The following MAPK10 variants were observed in gnomAD, a reference collection of about 807,000 sequenced individuals.
The protein encoded by MAPK10 is JNK3 alpha protein kinase.
Under a neutral mutation model 59.3 loss-of-function variants are expected in MAPK10, and 25 were observed. The observed-to-expected ratio is 0.42, with a 90% CI of 0.31 to 0.59. MAPK10 has a LOEUF of 0.59. MAPK10 is among the 20% of genes least tolerant of loss of function. MAPK10 has a pLI of 0.15. For missense variants in MAPK10, 351 were observed against 568.9 expected (o/e 0.62, Z 3.90); for synonymous variants, 190 against 200.5 (o/e 0.95, Z 0.44).
At chr4:86,373,517 A>G (rs1479820878) in intron 1 of MAPK10, among the ~76,000 whole-genome samples, 1 of 152,198 alleles carries the variant, frequency 6.6e-6, no homozygotes, top group Non-Finnish European at 1.5e-5. Context: ...CCATCTGACA[A>G]AGGACTAATA....
intron 4 of MAPK10, among the ~76,000 whole-genome samples, chr4:86,146,152 C>T (rs890426493): frequency 6.6e-6 from 1 of 152,144 alleles, no homozygotes; most frequent in African/African-American, 2.4e-5. Context: ...TTCCAGTGAG[C>T]TGAGAGTGAA....
Position 86,051,200 on chromosome 4 carries a change from A to G in MAPK10, c.1110+13066T>C, listed in dbSNP as rs74948288. ...CTTTTATCATTCTTACAATTGCCCT[A>G]CCATTAGAAAGGGACATAATAATTT... On this transcript the variant is annotated intron_variant, in intron 11 of 13. Transcript: ENST00000641462. Among the ~76,000 whole-genome samples, 1,104 of 152,280 alleles carry G rather than the reference A, an allele frequency of 7.2e-3. 34 individuals are homozygous for G. In the East Asian group the frequency reaches 0.1, roughly 14 times the overall value.
chr4:86,193,858 T>A (rs1156655539), intron 3 of MAPK10: 1 of 157,408 alleles, frequency 6.4e-6, no homozygotes, highest in Non-Finnish European at 1.4e-5. Flanking sequence ...GCCCATTTTG[T>A]GCTTGAAACC....
At chr4:86,438,466 G>T (rs1007642287) in intron 1 of MAPK10, among the ~76,000 whole-genome samples, 5 of 152,008 alleles carry the variant, frequency 3.3e-5, no homozygotes, top group Admixed American at 2.0e-4. Context: ...GAGGGGGGTG[G>T]ATCATCTGAG....
intron 1 of MAPK10, among the ~76,000 whole-genome samples, chr4:86,477,119 ACT>A (rs1374304344): frequency 6.6e-6 from 1 of 151,940 alleles, no homozygotes; most frequent in African/African-American, 2.4e-5. Flanking sequence ...GCTCTAGATA[ACT>A]CTCACAGTGG....
intron 2 of MAPK10, among the ~76,000 whole-genome samples, chr4:86,282,661 T>C (rs2094853102): frequency 6.6e-6 from 1 of 152,172 alleles, no homozygotes; most frequent in South Asian, 2.1e-4. Context: ...CTTAGGACAC[T>C]TGAAGTTTTA....
At chr4:86,529,456 A>G (rs1343692643) in intron 1 of MAPK10, among the ~76,000 whole-genome samples, 1 of 152,194 alleles carries the variant, frequency 6.6e-6, no homozygotes, top group Non-Finnish European at 1.5e-5. Flanking sequence ...TCTCCACTGC[A>G]TTCTATTTTC....
intron 1 of MAPK10, among the ~76,000 whole-genome samples, chr4:86,555,230 G>A (rs1475790672): frequency 1.3e-5 from 2 of 152,024 alleles, no homozygotes; most frequent in East Asian, 1.9e-4. Context: ...GGTGGATCAC[G>A]AGGTCAGGAG....
intron 2 of MAPK10, among the ~76,000 whole-genome samples, chr4:86,245,382 G>A (rs2093017184): frequency 6.7e-6 from 1 of 149,924 alleles, no homozygotes; most frequent in South Asian, 2.1e-4. Context: ...TGTGATCACA[G>A]CTCACTGCAG....
chr4:86,467,718 C>T (rs754206095), intron 1 of MAPK10, among the ~76,000 whole-genome samples: 2 of 152,170 alleles, frequency 1.3e-5, no homozygotes, highest in Admixed American at 1.3e-4. Context: ...CAGGGTTTCA[C>T]CACGTTGGCC....
intron 1 of MAPK10, among the ~76,000 whole-genome samples, chr4:86,388,164 A>G (rs1156309624): frequency 6.6e-6 from 1 of 151,782 alleles, no homozygotes; most frequent in African/African-American, 2.4e-5. Flanking sequence ...AATTTACTTC[A>G]AAAGGTTTAG....
At chr4:86,484,918 G>A (rs951693479) in intron 1 of MAPK10, among the ~76,000 whole-genome samples, 27 of 152,156 alleles carry the variant, frequency 1.8e-4, no homozygotes, top group African/African-American at 5.8e-4. Context: ...CAGAAAGCAG[G>A]GGGAGTGTAT....
chr4:86,567,102 T>C (rs1761109105), intron 1 of MAPK10, among the ~76,000 whole-genome samples: 2 of 152,130 alleles, frequency 1.3e-5, no homozygotes, highest in Admixed American at 1.3e-4. Flanking sequence ...CATATTCAGT[T>C]TGGTGTACAT....
At chr4:86,068,911 C>T (rs1182580021) in intron 9 of MAPK10, among the ~76,000 whole-genome samples, 4 of 152,130 alleles carry the variant, frequency 2.6e-5, no homozygotes, top group Non-Finnish European at 5.9e-5. Context: ...ATTTCCTCGC[C>T]ATGTGCCAGT....
chr4:86,105,892 C>A (rs946524580), intron 5 of MAPK10, among the ~76,000 whole-genome samples: 3 of 152,104 alleles, frequency 2.0e-5, no homozygotes, highest in African/African-American at 7.2e-5. Context: ...TCCCACCATA[C>A]ACTGACCAGC....
intron 2 of MAPK10, among the ~76,000 whole-genome samples, chr4:86,307,597 C>A (rs1037683203): frequency 6.6e-6 from 1 of 151,956 alleles, no homozygotes; most frequent in South Asian, 2.1e-4. Flanking sequence ...AAATGAGAAC[C>A]AAGGTTATCC....
intron 1 of MAPK10, among the ~76,000 whole-genome samples, chr4:86,579,740 ATT>A (rs1349338140): frequency 1.3e-5 from 2 of 152,134 alleles, no homozygotes; most frequent in Non-Finnish European, 2.9e-5. Flanking sequence ...TTACTGGACA[ATT>A]TTTAAGTTTT....
intron 9 of MAPK10, among the ~76,000 whole-genome samples, chr4:86,070,316 G>A (rs566646325): frequency 1.3e-5 from 2 of 150,658 alleles, no homozygotes; most frequent in East Asian, 1.9e-4. Context: ...GAACAACTAT[G>A]TCCAATTTAG....
intron 4 of MAPK10, among the ~76,000 whole-genome samples, chr4:86,144,187 C>T (rs778691178): frequency 9.2e-5 from 14 of 151,976 alleles, no homozygotes; most frequent in Non-Finnish European, 1.8e-4. Context: ...TTAAGTAAAA[C>T]ATTAAAAGAT....
Sources: allele counts gnomAD v4.1 joint callset (sites outside exome capture counted in the v4.1 genomes callset), GRCh38; gene constraint gnomAD v4.1.1; transcripts MANE v1.5; gene names NCBI Gene and HGNC (gene_info 2026-07-23, HGNC 2026-07-21).